Variants in LDLRAD3 observed in about 807,000 individuals in gnomAD.
LDLRAD3 encodes low density lipoprotein receptor class A domain containing 3.
LDLRAD3 carries 20 observed loss-of-function variants against 29.4 expected under a neutral mutation model. The observed-to-expected ratio is 0.68, with a 90% CI of 0.48 to 0.99. The LOEUF is 0.99. LDLRAD3 is among the 50% of genes least tolerant of loss of function. The pLI is 0.00. For synonymous variants in LDLRAD3, 157 were observed against 192.7 expected (o/e 0.81, Z 1.53); for missense variants, 420 against 454.3 (o/e 0.92, Z 0.69).
chr11:35,950,774 TACAAACAC>T (rs1851121933), intron 1 of LDLRAD3, among the ~76,000 whole-genome samples: 1 of 152,094 alleles, frequency 6.6e-6, no homozygotes, highest in South Asian at 2.1e-4. Flanking sequence ...CTTCTTGAAT[TACAAACAC>T]TGCAAAAATA....
intron 2 of LDLRAD3, among the ~76,000 whole-genome samples, chr11:36,074,503 G>A (rs1454350044): frequency 6.6e-6 from 1 of 152,196 alleles, no homozygotes; most frequent in African/African-American, 2.4e-5. Context: ...GGCTTGAGAA[G>A]GAACAAGGAA....
At chr11:36,033,217 C>T (rs942613297) in intron 1 of LDLRAD3, among the ~76,000 whole-genome samples, 4 of 152,168 alleles carry the variant, frequency 2.6e-5, no homozygotes, top group Admixed American at 6.5e-5. Flanking sequence ...CTAAAGCACA[C>T]GGCTGTGCAC....
intron 3 of LDLRAD3, among the ~76,000 whole-genome samples, chr11:36,089,901 C>T (rs1287904426): frequency 6.6e-6 from 1 of 151,858 alleles, no homozygotes; most frequent in African/African-American, 2.4e-5. Context: ...CTTGAGCCAT[C>T]ATACCTGGCT....
At chr11:35,968,091 A>G (rs370832004) in intron 1 of LDLRAD3, 1 of 450,846 alleles carries the variant, frequency 2.2e-6, no homozygotes, top group Non-Finnish European at 4.4e-6. Flanking sequence ...GTAGGAAGCC[A>G]TGTTGGTTTC....
At chr11:36,159,988 C>G (rs1355832506) in intron 4 of LDLRAD3, among the ~76,000 whole-genome samples, 2 of 152,166 alleles carry the variant, frequency 1.3e-5, no homozygotes, top group African/African-American at 2.4e-5. Context: ...TGAAAACACT[C>G]AGTCCCACGT....
chr11:36,022,427 AT>A (rs77577718), intron 1 of LDLRAD3, among the ~76,000 whole-genome samples: 12,063 of 148,252 alleles, frequency 0.081, 506 homozygotes, highest in South Asian at 0.15. Context: ...GAATTTTAGT[AT>A]TTTTTTTTTT....
intron 1 of LDLRAD3, among the ~76,000 whole-genome samples, chr11:36,012,687 C>T (rs940045795): frequency 6.6e-6 from 1 of 152,156 alleles, no homozygotes; most frequent in Non-Finnish European, 1.5e-5. Flanking sequence ...CACGAGATTT[C>T]ATCACACCGC....
chr11:36,144,163 G>A (rs1047922297), intron 4 of LDLRAD3, among the ~76,000 whole-genome samples: 18 of 151,928 alleles, frequency 1.2e-4, no homozygotes, highest in African/African-American at 4.3e-4. Flanking sequence ...GCTCCTAACC[G>A]CGAGTGATCC....
chr11:36,055,990 C>CTTT (rs67731567), intron 2 of LDLRAD3, among the ~76,000 whole-genome samples: 1,651 of 95,302 alleles, frequency 0.017, 57 homozygotes, highest in African/African-American at 0.029. Context: ...ACAGCTTGCC[C>CTTT]TTTTTTTTTT....
intron 1 of LDLRAD3, among the ~76,000 whole-genome samples, chr11:35,952,069 C>T (rs555963702): frequency 6.6e-6 from 1 of 152,314 alleles, no homozygotes; most frequent in South Asian, 2.1e-4. Context: ...AATGCTTTCC[C>T]TGCTGGTGGA....
At chr11:36,101,885 CTTTTT>C (rs397848318) in intron 4 of LDLRAD3, 581 of 223,368 alleles carry the variant, frequency 2.6e-3, no homozygotes, top group Middle Eastern at 7.1e-3. Flanking sequence ...CCACTGTCAT[CTTTTT>C]TTTTTTTTTT....
chr11:36,058,414 T>G (rs747708026), intron 2 of LDLRAD3, among the ~76,000 whole-genome samples: 5 of 152,218 alleles, frequency 3.3e-5, no homozygotes, highest in Non-Finnish European at 7.3e-5. Context: ...TAGGTCTGCG[T>G]CTCTGTCAGA....
At chr11:35,976,692 C>G (rs12223302) in intron 1 of LDLRAD3, among the ~76,000 whole-genome samples, 55,112 of 151,638 alleles carry the variant, frequency 0.36, 10,410 homozygotes, top group East Asian at 0.6. Flanking sequence ...AACACAAAGT[C>G]TCTTCTCTAG....
chr11:36,104,632 G>T (rs1032677780), intron 4 of LDLRAD3, among the ~76,000 whole-genome samples: 1 of 152,126 alleles, frequency 6.6e-6, no homozygotes, highest in Non-Finnish European at 1.5e-5. Flanking sequence ...GAGCATTATT[G>T]TATTTTCCTG....
At chr11:35,978,503 A>G (rs960308212) in intron 1 of LDLRAD3, among the ~76,000 whole-genome samples, 2 of 152,152 alleles carry the variant, frequency 1.3e-5, no homozygotes, top group East Asian at 3.9e-4. Flanking sequence ...TCCTTGATTC[A>G]AGATGGGCTG....
intron 4 of LDLRAD3, among the ~76,000 whole-genome samples, chr11:36,208,134 C>T (rs1043975715): frequency 6.6e-5 from 10 of 152,008 alleles, no homozygotes; most frequent in African/African-American, 2.4e-4. Flanking sequence ...CAAGTAGCCC[C>T]CAAACCAAAC....
chr11:35,978,280 G>A (rs1851499152), intron 1 of LDLRAD3, among the ~76,000 whole-genome samples: 1 of 152,206 alleles, frequency 6.6e-6, no homozygotes, highest in African/African-American at 2.4e-5. Context: ...AACTGTAGTC[G>A]TTTGTGAATG....
At chr11:36,224,719 C>T (rs1240787407) in intron 4 of LDLRAD3, among the ~76,000 whole-genome samples, 2 of 152,102 alleles carry the variant, frequency 1.3e-5, no homozygotes, top group East Asian at 1.9e-4. Flanking sequence ...CACACAGAGC[C>T]GGACCTTGAA....
rs1003531182 is a variant in LDLRAD3 at position 36,229,420 on chromosome 11, T to C, written c.*23T>C. ...TAAGTCCCAGTTATTCCAAAGTCCA[T>C]ATGGGTTAATCTGCTCTGACTTGTT... On this transcript the variant is annotated 3_prime_UTR_variant, in exon 6 of 6. Coordinates refer to ENST00000315571, the MANE Select transcript of LDLRAD3 (RefSeq NM_174902.4). The C allele has an allele frequency of 2.6e-6, 4 of 1,521,620 alleles. No homozygotes were observed. The Admixed American group carries it at 5.0e-5, about 19-fold the overall frequency. The allele number at this position is 1,521,620 out of a possible 1,614,324, so 94.3% of individuals were successfully genotyped here.
Sources: gnomAD v4.1 joint callset for allele counts (sites outside exome capture counted in the v4.1 genomes callset) on GRCh38, gnomAD v4.1.1 for gene constraint, MANE v1.5 for transcripts, NCBI Gene and HGNC (gene_info 2026-07-23, HGNC 2026-07-21) for gene names.